The following PDXK variants were observed in gnomAD, a reference collection of about 807,000 sequenced individuals.
The protein encoded by PDXK is pyridoxal kinase, also known as epididymis secretory sperm binding protein Li 1a.
Under a neutral mutation model 43.2 loss-of-function variants are expected in PDXK, and 15 were observed. The ratio of observed to expected loss-of-function variants is 0.35; its 90% CI spans 0.23 to 0.53. PDXK has a LOEUF of 0.53. PDXK is among the 20% of genes least tolerant of loss of function. PDXK has a pLI of 0.92. For missense variants in PDXK, 343 were observed against 417.0 expected (o/e 0.82, Z 1.54); for synonymous variants, 172 against 165.4 (o/e 1.04, Z -0.31).
In PDXK at chr21:43,732,472, G is replaced by C; in HGVS notation, c.88-1597G>C. ...GTGAAACGGAGATGCCAGCCCAGGG[G>C]CTCAGCTTGCTCGTGCTCTCATTTA... is the stretch of plus-strand genomic sequence containing the variant. On this transcript the variant is annotated intron_variant, in intron 1 of 10. Coordinates refer to ENST00000291565, the MANE Select transcript of PDXK (RefSeq NM_003681.5). The surrounding 1 kb of genome is among the most constrained non-coding windows in gnomAD (Gnocchi z 4.1). 6.3e-7 allele frequency: 1 copy of C among 1,594,880 alleles called. No homozygotes were observed. Among genetic ancestry groups the C allele is most frequent in the Non-Finnish European group, 8.6e-7 (1 of 1,163,444 alleles).
chr21:43,759,569 C>G lies in PDXK; in HGVS notation c.*3506C>G, dbSNP rs1313074269. ...CTCTCTCCCCTGCCGCCTGCCTGGTCTCATGGGCCTCCTTCACACACCCCT... is the reference window on the plus strand; with the variant it reads ...CTCTCTCCCCTGCCGCCTGCCTGGTGTCATGGGCCTCCTTCACACACCCCT... On this transcript the variant is annotated 3_prime_UTR_variant, in exon 11 of 11. Coordinates refer to ENST00000291565, the MANE Select transcript of PDXK (RefSeq NM_003681.5). 1.3e-5 allele frequency: 2 copies of G among 154,166 alleles called. No individual in the cohort carries two copies. The highest frequency in any genetic ancestry group is 2.9e-5 in the Non-Finnish European group (2 of 68,484). The allele number at this position is 154,166 out of a possible 1,614,324, so 9.5% of individuals were successfully genotyped here.
intron 2 of PDXK, chr21:43,736,888 C>G (rs1208102497): frequency 2.9e-6 from 2 of 698,542 alleles, no homozygotes; most frequent in East Asian, 2.7e-5. Context: ...GCCCCCTCAG[C>G]CTCCCAAAGT....
intron 8 of PDXK, 124 bp downstream of exon 8, chr21:43,752,753 A>T: frequency 1.6e-6 from 1 of 627,212 alleles, no homozygotes; most frequent in Admixed American, 2.4e-5. Context: ...CACCGGGATG[A>T]CACCCCCATT....
chr21:43,761,565 G>A lies in PDXK; in HGVS notation c.*5502G>A, dbSNP rs762407. 51,831 of 153,342 alleles carry A rather than the reference G, an allele frequency of 0.34. 8,978 individuals carry two copies. Among genetic ancestry groups the A allele is most frequent in the East Asian group, 0.47 (2,398 of 5,146 alleles). The allele number at this position is 153,342 out of a possible 1,614,324, so 9.5% of individuals were successfully genotyped here. On this transcript the variant is annotated 3_prime_UTR_variant, in exon 11 of 11. Coordinates refer to ENST00000291565, the MANE Select transcript of PDXK (RefSeq NM_003681.5). ...GACCTCGCCTCGCCCACCGGCCTGC[G>A]AAGCCAGCATCTCCGTGAAGGTGGA...
At chr21:43,746,276 G>T in intron 5 of PDXK, 151 bp downstream of exon 5, 1 of 700,424 alleles carries the variant, frequency 1.4e-6, no homozygotes, top group Non-Finnish European at 2.6e-6. Flanking sequence ...AGGAGAAAGG[G>T]AACCGACATA....
rs969341297 is a variant in PDXK, at chr21:43,737,404, G to C, written c.142+3281G>C. ...CACACCGTGAGCTGGGCTTGGCAGA[G>C]CCTCCACCTTGTGGCCAGTATTCCC... On this transcript the variant is annotated intron_variant, in intron 2 of 10. Coordinates refer to ENST00000291565, the MANE Select transcript of PDXK (RefSeq NM_003681.5). This position sits in a 1 kb window ranked among gnomAD's most constrained non-coding sequence, Gnocchi z 4.8. The C allele has an allele frequency of 1.0e-5, 12 of 1,152,392 alleles. No individual in the cohort carries two copies. Among genetic ancestry groups the C allele is most frequent in the Non-Finnish European group, 1.2e-5 (11 of 930,774 alleles). 71.4% of individuals were successfully genotyped at this position (1,152,392 alleles called of 1,614,324 possible).
At chr21:43,728,547 C>G (rs951733413) in intron 1 of PDXK, among the ~76,000 whole-genome samples, 2 of 152,168 alleles carry the variant, frequency 1.3e-5, no homozygotes, top group African/African-American at 4.8e-5. Context: ...CCCTGCCTCC[C>G]CGGAGGAGGA....
rs1440618421 is a variant in PDXK, at chr21:43,761,714, CAA to C, written c.*5655_*5656del. On this transcript the variant is annotated 3_prime_UTR_variant, in exon 11 of 11. Coordinates refer to ENST00000291565, the MANE Select transcript of PDXK (RefSeq NM_003681.5). ...GAGGGTGGGTGCAGGGCTGGTGGGA[CAA>C]AAAGAGGCCTCAGCAGGCCTGGAAG... 1 of 151,984 alleles carries C rather than the reference CAA, an allele frequency of 6.6e-6. No individual in the cohort carries two copies. Among genetic ancestry groups the C allele is most frequent in the East Asian group, 1.9e-4 (1 of 5,140 alleles). The allele number at this position is 151,984 out of a possible 1,614,324, so 9.4% of individuals were successfully genotyped here. A position where few individuals can be genotyped will look rare whatever the true frequency, so the allele number is the denominator to read the frequency against.
Position 43,752,500 on chromosome 21 carries a change from T to G in PDXK, c.511-18T>G. 1 of 1,570,716 alleles carries G rather than the reference T, an allele frequency of 6.4e-7. No individual in the cohort carries two copies. Reference sequence around the variant, plus strand: ...ACATGTGACCGGCCGTGGCTGACGCTCCCTGTGCCACTGCTAGGTGATGGA... The same window carrying G: ...ACATGTGACCGGCCGTGGCTGACGCGCCCTGTGCCACTGCTAGGTGATGGA... On this transcript the variant is annotated intron_variant, in intron 7 of 10. Coordinates refer to ENST00000291565, the MANE Select transcript of PDXK (RefSeq NM_003681.5).
In PDXK at chr21:43,723,137, C is replaced by G. The variant is rs2083221497; in HGVS notation, c.87+3756C>G. 1.3e-5 allele frequency among the ~76,000 whole-genome samples: 2 copies of G among 151,594 alleles called. No homozygotes were observed. The highest frequency in any genetic ancestry group is 1.3e-4 in the Admixed American group (2 of 15,228). ...ACAGGCATGGGGCCACCACGCCTGGCCTTCTTTTTCTTTTTCTTTCTTTTT... is the reference window on the plus strand; with the variant it reads ...ACAGGCATGGGGCCACCACGCCTGGGCTTCTTTTTCTTTTTCTTTCTTTTT... On this transcript the variant is annotated intron_variant, in intron 1 of 10. Transcript: ENST00000291565. The surrounding 1 kb of genome is among the most constrained non-coding windows in gnomAD (Gnocchi z 4.1).
rs142847570 is a variant in PDXK, at chr21:43,744,050, G to T, written c.331+243G>T. Among the ~76,000 whole-genome samples, 229 of 152,336 alleles carry T rather than the reference G, an allele frequency of 1.5e-3. 1 individual carries two copies. Among genetic ancestry groups the T allele is most frequent in the Middle Eastern group, 6.8e-3 (2 of 294 alleles). On this transcript the variant is annotated intron_variant, in intron 4 of 10. Transcript: ENST00000291565. ...TGTGGCTGGTGTGAGACAGGAAGGG[G>T]TGTCAGTGTGCTCGTATAGTGGGGC...
chr21:43,719,936 G>T (rs1038300790), intron 1 of PDXK: 1 of 985,196 alleles, frequency 1.0e-6, no homozygotes, highest in Non-Finnish European at 1.2e-6. Context: ...GCCTGACCAC[G>T]CCAGGAGGTG....
intron 1 of PDXK, among the ~76,000 whole-genome samples, chr21:43,721,044 A>G (rs2083202783): frequency 6.6e-6 from 1 of 152,204 alleles, no homozygotes; most frequent in East Asian, 1.9e-4. Flanking sequence ...GGGTCTCCCC[A>G]GTGCACGGCA....
Position 43,753,697 on chromosome 21 carries a change from A to G in PDXK, c.737A>G (p.His246Arg). 6 of 1,613,290 alleles carry G rather than the reference A, an allele frequency of 3.7e-6. No homozygotes were observed. Among genetic ancestry groups the G allele is most frequent in the Non-Finnish European group, 4.2e-6 (5 of 1,179,540 alleles). Residue 246 changes from histidine to arginine, a missense_variant, in exon 9 of 11, where the codon CAC (histidine) becomes CGC (arginine). Physicochemically the swap from His to Arg is conservative, Grantham distance 29. Coordinates refer to ENST00000291565, the MANE Select transcript of PDXK (RefSeq NM_003681.5). ...LFAAMLLAWTHKHPNNLKVAC... is the reference protein window; with the variant it reads ...LFAAMLLAWTRKHPNNLKVAC... Reference sequence around the variant, plus strand: ...GCTGCCATGCTCCTGGCGTGGACACACAAGCACCCCAATAACCTCAAGGTC... The same window carrying G: ...GCTGCCATGCTCCTGGCGTGGACACGCAAGCACCCCAATAACCTCAAGGTC...
chr21:43,737,505 C>G lies in PDXK; in HGVS notation c.142+3382C>G, dbSNP rs146483939. 2.9e-6 allele frequency: 3 copies of G among 1,032,838 alleles called. No homozygotes were observed. The highest frequency in any genetic ancestry group is 2.3e-6 in the Non-Finnish European group (2 of 857,418). The allele number at this position is 1,032,838 out of a possible 1,614,324, so 64.0% of individuals were successfully genotyped here. A position where few individuals can be genotyped will look rare whatever the true frequency, so the allele number is the denominator to read the frequency against. Reference sequence around the variant, plus strand: ...ACTGAGGGCACTGGGAAGGAGCCTGCGGAGCTGGAGGTCAGCGGGTGGACG... The same window carrying G: ...ACTGAGGGCACTGGGAAGGAGCCTGGGGAGCTGGAGGTCAGCGGGTGGACG... On this transcript the variant is annotated intron_variant, in intron 2 of 10. Coordinates refer to ENST00000291565, the MANE Select transcript of PDXK (RefSeq NM_003681.5). The surrounding 1 kb of genome is among the most constrained non-coding windows in gnomAD (Gnocchi z 4.8).
At chr21:43,755,627 C>A in intron 9 of PDXK, 71 bp from the exon 10 acceptor site, 3 of 1,282,708 alleles carry the variant, frequency 2.3e-6, no homozygotes, top group South Asian at 1.2e-5. Flanking sequence ...TGGAAATCCC[C>A]TCCTGGCAGC....
intron 2 of PDXK, chr21:43,738,778 A>C (rs1368347136): frequency 6.6e-6 from 1 of 152,546 alleles, no homozygotes; most frequent in African/African-American, 2.4e-5. Context: ...CCTGTGACGC[A>C]CTGCCTCCCT....
At chr21:43,722,179 G>A (rs1601776976) in intron 1 of PDXK, among the ~76,000 whole-genome samples, 1 of 152,318 alleles carries the variant, frequency 6.6e-6, no homozygotes, top group East Asian at 1.9e-4. Flanking sequence ...AGGAGTGGAG[G>A]GAACTAGTGG....
In PDXK at chr21:43,723,780, C is replaced by A; in HGVS notation, c.87+4399C>A. On this transcript the variant is annotated intron_variant, in intron 1 of 10. Coordinates refer to ENST00000291565, the MANE Select transcript of PDXK (RefSeq NM_003681.5). This position sits in a 1 kb window ranked among gnomAD's most constrained non-coding sequence, Gnocchi z 4.1. ...TCCAGATGGACAGGTAGTAGATTCC[C>A]GCTGGCTGGGTGATATCCGTGTCCT... 6.6e-6 allele frequency: 1 copy of A among 152,350 alleles called. No homozygotes were observed. The allele number at this position is 152,350 out of a possible 1,614,324, so 9.4% of individuals were successfully genotyped here. A position where few individuals can be genotyped will look rare whatever the true frequency, so the allele number is the denominator to read the frequency against.
Sources: allele counts gnomAD v4.1 joint callset (sites outside exome capture counted in the v4.1 genomes callset), GRCh38; gene constraint gnomAD v4.1.1; non-coding constraint Gnocchi (gnomAD v3.1); transcripts MANE v1.5; gene names NCBI Gene and HGNC (gene_info 2026-07-23, HGNC 2026-07-21).